KLHL42: variants seen among roughly 807,000 people sequenced by gnomAD.
The protein encoded by KLHL42 is kelch-like protein 42.
A neutral mutation model predicts 32.7 loss-of-function variants in KLHL42; 27 were observed. The observed-to-expected ratio is 0.83, with a 90% CI of 0.61 to 1.14. KLHL42 has a LOEUF of 1.14. Among genes scored for constraint, KLHL42 ranks in the 50% most tolerant of loss-of-function variants. KLHL42 has a pLI of 0.00. For missense variants in KLHL42, 491 were observed against 560.8 expected (o/e 0.88, Z 1.26); for synonymous variants, 267 against 248.2 (o/e 1.08, Z -0.71).
At chr12:27,790,903 T>G (rs921376908) in intron 1 of KLHL42, among the ~76,000 whole-genome samples, 3 of 152,110 alleles carry the variant, frequency 2.0e-5, no homozygotes, top group African/African-American at 4.8e-5. Context: ...TATAAAAAAT[T>G]AGCTGAGTAT....
intron 2 of KLHL42, among the ~76,000 whole-genome samples, chr12:27,795,636 A>AAACAG (rs1555112284): frequency 6.6e-6 from 1 of 151,846 alleles, no homozygotes; most frequent in Admixed American, 6.5e-5. Context: ...GAAAAAAAGA[A>AAACAG]AAAGTTAGTT....
chr12:27,783,874 G>A (rs1403191006), intron 1 of KLHL42, among the ~76,000 whole-genome samples: 1 of 152,072 alleles, frequency 6.6e-6, no homozygotes. Flanking sequence ...GTGAGCCACC[G>A]CGCCCGGCCT....
intron 2 of KLHL42, among the ~76,000 whole-genome samples, chr12:27,793,948 C>CGTA (rs2140821313): frequency 6.6e-6 from 1 of 152,320 alleles, no homozygotes; most frequent in Non-Finnish European, 1.5e-5. Context: ...CACATGCTAA[C>CGTA]GTAGCATCCA....
At position 27,799,795 on chromosome 12, in the gene KLHL42, C is replaced by T. The variant is rs2062236369; in HGVS notation, c.*1629C>T. The T allele has an allele frequency of 5.4e-6, 1 of 183,542 alleles. No individual in the cohort carries two copies. The allele number at this position is 183,542 out of a possible 1,614,324, so 11.4% of individuals were successfully genotyped here. On this transcript the variant is annotated 3_prime_UTR_variant, in exon 3 of 3. Transcript: ENST00000381271. The stretch of plus-strand genomic sequence containing the variant: ...CTTCTATTAACTAAAATGAGGTAAG[C>T]CATTATTTTGGACATAGAAACAGAT...
chr12:27,797,694 ACTTGT>A lies in KLHL42; in HGVS notation c.1067-17_1067-13del, dbSNP rs780702889. The A allele has an allele frequency of 4.9e-5, 33 of 678,642 alleles. No individual in the cohort carries two copies. Among genetic ancestry groups the A allele is most frequent in the Non-Finnish European group, 8.0e-5 (30 of 373,848 alleles). 42.0% of individuals were successfully genotyped at this position (678,642 alleles called of 1,614,324 possible). A position where few individuals can be genotyped will look rare whatever the true frequency, so the allele number is the denominator to read the frequency against. On this transcript the variant is annotated splice_polypyrimidine_tract_variant and intron_variant, in intron 2 of 2. Transcript: ENST00000381271. ...TGGTGTTAGTGGAGGCGGTGTCATC[ACTTGT>A]CTTTCTTTCTTTCAGACCGGAACAT...
chr12:27,780,886 A>C lies in KLHL42; in HGVS notation c.556A>C (p.Arg186=), dbSNP rs1349177215. Residue 186 remains arginine (R), a synonymous_variant, in exon 1 of 3, where the codon AGG becomes CGG. Coordinates refer to ENST00000381271, the MANE Select transcript of KLHL42 (RefSeq NM_020782.2). The surrounding 1 kb of genome is among the most constrained non-coding windows in gnomAD (Gnocchi z 8.8). The part of the protein sequence containing the change: ...PGDVSLKQRL[R]EARMTGTPVL... ...GGATGTCAGCCTGAAGCAGAGGCTG[A>C]GGGAGGCCCGGATGACTGGGACTCC... The C allele has an allele frequency of 1.2e-6, 2 of 1,612,268 alleles. No individual in the cohort carries two copies. Among genetic ancestry groups the C allele is most frequent in the Non-Finnish European group, 1.7e-6 (2 of 1,178,678 alleles).
intron 2 of KLHL42, chr12:27,792,209 C>G (rs1414974755): frequency 4.6e-6 from 1 of 217,754 alleles, no homozygotes; most frequent in Non-Finnish European, 9.2e-6. Context: ...TGTGATTTGG[C>G]TGGGCCTGGT....
At chr12:27,795,306 CTGAGCAAA>C (rs1252193189) in intron 2 of KLHL42, among the ~76,000 whole-genome samples, 6 of 152,172 alleles carry the variant, frequency 3.9e-5, no homozygotes, top group African/African-American at 1.4e-4. Flanking sequence ...ATGACCCTGG[CTGAGCAAA>C]TGTTCTTTAG....
rs867757915 is a variant in KLHL42 at position 27,781,532 on chromosome 12, T to G, written c.872+330T>G. 1.6e-4 allele frequency among the ~76,000 whole-genome samples: 24 copies of G among 152,324 alleles called. 1 individual carries two copies. Among genetic ancestry groups the G allele is most frequent in the Middle Eastern group, 3.4e-3 (1 of 294 alleles). On this transcript the variant is annotated intron_variant, in intron 1 of 2. Coordinates refer to ENST00000381271, the MANE Select transcript of KLHL42 (RefSeq NM_020782.2). Reference sequence around the variant, plus strand: ...TTTAAAAGAAAATTGCCCCTTAATTTTTAAAAAATTTGTCTTAGTTTTTAG... The same window carrying G: ...TTTAAAAGAAAATTGCCCCTTAATTGTTAAAAAATTTGTCTTAGTTTTTAG...
chr12:27,798,222 T>G lies in KLHL42; in HGVS notation c.*56T>G. 1 of 721,516 alleles carries G rather than the reference T, an allele frequency of 1.4e-6. No homozygotes were observed. Among genetic ancestry groups the G allele is most frequent in the South Asian group, 1.6e-5 (1 of 63,990 alleles). 44.7% of individuals were successfully genotyped at this position (721,516 alleles called of 1,614,324 possible). A position where few individuals can be genotyped will look rare whatever the true frequency, so the allele number is the denominator to read the frequency against. ...GGTTCAAGTTTTTTTTAAAATGTGG[T>G]GTCCCATTCCAAGGGAGACCAATTC... On this transcript the variant is annotated 3_prime_UTR_variant, in exon 3 of 3. Coordinates refer to ENST00000381271, the MANE Select transcript of KLHL42 (RefSeq NM_020782.2).
Position 27,799,863 on chromosome 12 carries a change from A to G in KLHL42, c.*1697A>G, listed in dbSNP as rs2062236711. ...AAATAATCTTACCTCTAGTCTACTT[A>G]CAACTTTGTAAGGGTTTCTAAGCTA... is the stretch of plus-strand genomic sequence containing the variant. On this transcript the variant is annotated 3_prime_UTR_variant, in exon 3 of 3. Coordinates refer to ENST00000381271, the MANE Select transcript of KLHL42 (RefSeq NM_020782.2). 2.2e-6 allele frequency: 1 copy of G among 453,188 alleles called. No homozygotes were observed. Among genetic ancestry groups the G allele is most frequent in the African/African-American group, 2.1e-5 (1 of 46,970 alleles). The allele number at this position is 453,188 out of a possible 1,614,324, so 28.1% of individuals were successfully genotyped here.
Position 27,800,398 on chromosome 12 carries a change from T to A in KLHL42, c.*2232T>A. On this transcript the variant is annotated 3_prime_UTR_variant, in exon 3 of 3. Coordinates refer to ENST00000381271, the MANE Select transcript of KLHL42 (RefSeq NM_020782.2). ...TATGTTTGCATATTATAGCTCTCTTTAAGACAGACATCTAAAAAGATTTTG... is the reference window on the plus strand; with the variant it reads ...TATGTTTGCATATTATAGCTCTCTTAAAGACAGACATCTAAAAAGATTTTG... 3.1e-5 allele frequency: 31 copies of A among 984,574 alleles called. No homozygotes were observed. Among genetic ancestry groups the A allele is most frequent in the Non-Finnish European group, 3.7e-5 (31 of 829,382 alleles). The allele number at this position is 984,574 out of a possible 1,614,324, so 61.0% of individuals were successfully genotyped here. A position where few individuals can be genotyped will look rare whatever the true frequency, so the allele number is the denominator to read the frequency against.
intron 1 of KLHL42, among the ~76,000 whole-genome samples, chr12:27,781,534 TA>T (rs1235085062): frequency 6.6e-6 from 1 of 152,218 alleles, no homozygotes; most frequent in Non-Finnish European, 1.5e-5. Context: ...CCTTAATTTT[TA>T]AAAAATTTGT....
chr12:27,794,818 T>TC (rs1226129930), intron 2 of KLHL42, among the ~76,000 whole-genome samples: 2 of 151,410 alleles, frequency 1.3e-5, no homozygotes, highest in Non-Finnish European at 2.9e-5. Context: ...TTTTTCCCAC[T>TC]CCAAGTTTTC....
rs1343705599 is a variant in KLHL42, at chr12:27,791,818, C to T, written c.983C>T (p.Ala328Val). The T allele has an allele frequency of 5.6e-6, 9 of 1,614,130 alleles. No homozygotes were observed. The highest frequency in any genetic ancestry group is 2.2e-5 in the East Asian group (1 of 44,886). Residue 328 changes from alanine to valine, a missense_variant, in exon 2 of 3, where the codon GCG (alanine) becomes GTG (valine). Transcript: ENST00000381271. ...GAGCAGGATGCGTGGAATTTTGTGGCGCCCTTACCCAATCCTCTGGCTGAG... is the reference window on the plus strand; with the variant it reads ...GAGCAGGATGCGTGGAATTTTGTGGTGCCCTTACCCAATCCTCTGGCTGAG... ...NPEQDAWNFVAPLPNPLAEFS... is the reference protein window; with the variant it reads ...NPEQDAWNFVVPLPNPLAEFS...
rs1277672222 is a variant in KLHL42, at chr12:27,780,270, G to A, written c.-61G>A. The stretch of plus-strand genomic sequence containing the variant: ...CCCGCCCGGAACCGGCGCGCGCGTA[G>A]GGGCTGGGAGGCCGGCGCGCAGATC... On this transcript the variant is annotated 5_prime_UTR_variant, in exon 1 of 3. Coordinates refer to ENST00000381271, the MANE Select transcript of KLHL42 (RefSeq NM_020782.2). The surrounding 1 kb of genome is among the most constrained non-coding windows in gnomAD (Gnocchi z 8.8). 7.0e-7 allele frequency: 1 copy of A among 1,422,884 alleles called. No homozygotes were observed. Among genetic ancestry groups the A allele is most frequent in the Non-Finnish European group, 9.2e-7 (1 of 1,087,618 alleles). The allele number at this position is 1,422,884 out of a possible 1,614,324, so 88.1% of individuals were successfully genotyped here. A position where few individuals can be genotyped will look rare whatever the true frequency, so the allele number is the denominator to read the frequency against.
At position 27,780,464 on chromosome 12, in the gene KLHL42, A is replaced by G; in HGVS notation, c.134A>G (p.Glu45Gly). The change falls in exon 1 of 3, where the codon GAG becomes GGG. Residue 45 changes from glutamate to glycine, a missense_variant. Physicochemically the swap from Glu to Gly is moderately conservative, Grantham distance 98 (BLOSUM62 -2). Transcript: ENST00000381271. The surrounding 1 kb of genome is among the most constrained non-coding windows in gnomAD (Gnocchi z 8.8). ...RSGMREALSQ[E>G]AGGPEVQQLR... ...GGCATGCGCGAGGCCCTGAGCCAGG[A>G]GGCCGGCGGCCCGGAGGTGCAGCAG... 6.5e-7 allele frequency: 1 copy of G among 1,544,994 alleles called. No individual in the cohort carries two copies. Among genetic ancestry groups the G allele is most frequent in the Middle Eastern group, 2.1e-4 (1 of 4,720 alleles).
Position 27,802,777 on chromosome 12 carries a change from C to T in KLHL42, c.*4611C>T, listed in dbSNP as rs1214490323. The T allele has an allele frequency of 6.6e-6, 1 of 152,388 alleles. No individual in the cohort carries two copies. Among genetic ancestry groups the T allele is most frequent in the Admixed American group, 6.6e-5 (1 of 15,252 alleles). 9.4% of individuals were successfully genotyped at this position (152,388 alleles called of 1,614,324 possible). On this transcript the variant is annotated 3_prime_UTR_variant, in exon 3 of 3. Coordinates refer to ENST00000381271, the MANE Select transcript of KLHL42 (RefSeq NM_020782.2). Reference sequence around the variant, plus strand: ...AACCCTTAAGAATGGGGCACTTGAGCTGTCCCTGCAATGTTTTCATATCTA... The same window carrying T: ...AACCCTTAAGAATGGGGCACTTGAGTTGTCCCTGCAATGTTTTCATATCTA...
Position 27,797,698 on chromosome 12 carries a change from G to GTCTT in KLHL42, c.1067-6_1067-3dup, listed in dbSNP as rs769160380. ...GTTAGTGGAGGCGGTGTCATCACTTGTCTTTCTTTCTTTCAGACCGGAACA... is the reference window on the plus strand; with the variant it reads ...GTTAGTGGAGGCGGTGTCATCACTTGTCTTTCTTTCTTTCTTTCAGACCGGAACA... On this transcript the variant is annotated splice_polypyrimidine_tract_variant and intron_variant, in intron 2 of 2. Coordinates refer to ENST00000381271, the MANE Select transcript of KLHL42 (RefSeq NM_020782.2). 7.4e-6 allele frequency: 5 copies of GTCTT among 680,270 alleles called. No homozygotes were observed. The East Asian group carries it at 9.9e-5, about 13-fold the overall frequency. 42.1% of individuals were successfully genotyped at this position (680,270 alleles called of 1,614,324 possible). A position where few individuals can be genotyped will look rare whatever the true frequency, so the allele number is the denominator to read the frequency against.
Sources: allele counts gnomAD v4.1 joint callset (sites outside exome capture counted in the v4.1 genomes callset), GRCh38; gene constraint gnomAD v4.1.1; non-coding constraint Gnocchi (gnomAD v3.1); transcripts MANE v1.5; gene names NCBI Gene and HGNC (gene_info 2026-07-23, HGNC 2026-07-21).